Variants in APBB1IP observed in about 807,000 individuals in gnomAD.
APBB1IP encodes the protein amyloid beta precursor protein binding family B member 1 interacting protein.
A neutral mutation model predicts 64.9 loss-of-function variants in APBB1IP; 27 were observed. That is an observed-to-expected ratio of 0.42 (90% CI 0.31 to 0.57). The LOEUF is 0.57. Ranked by LOEUF, APBB1IP falls within the 20% of genes least tolerant of loss-of-function variation. APBB1IP has a pLI of 0.20. For missense variants in APBB1IP, 812 were observed against 845.5 expected (o/e 0.96, Z 0.49); for synonymous variants, 392 against 331.0 (o/e 1.18, Z -2.00).
intron 6 of APBB1IP, among the ~76,000 whole-genome samples, chr10:26,506,890 G>C (rs1836186568): frequency 6.6e-6 from 1 of 152,186 alleles, no homozygotes; most frequent in Non-Finnish European, 1.5e-5. Flanking sequence ...CTACCAGCTG[G>C]AACTGGTGCT....
chr10:26,438,634 C>A lies in APBB1IP; in HGVS notation c.-202-18C>A, dbSNP rs1167312754. On this transcript the variant is annotated intron_variant, in intron 1 of 14. Coordinates refer to ENST00000376236, the MANE Select transcript of APBB1IP (RefSeq NM_019043.4). Reference sequence around the variant, plus strand: ...GTCCTTTACGCATATGTTTGTCTGTCCCACTGTCTCTAACCAGGGGCCTTC... The same window carrying A: ...GTCCTTTACGCATATGTTTGTCTGTACCACTGTCTCTAACCAGGGGCCTTC... 2 of 152,164 alleles carry A rather than the reference C, an allele frequency of 1.3e-5. No individual in the cohort carries two copies. The highest frequency in any genetic ancestry group is 1.5e-5 in the Non-Finnish European group (1 of 68,052). The allele number at this position is 152,164 out of a possible 1,614,324, so 9.4% of individuals were successfully genotyped here.
chr10:26,526,444 G>A (rs1335343449), intron 8 of APBB1IP, among the ~76,000 whole-genome samples: 1 of 152,200 alleles, frequency 6.6e-6, no homozygotes, highest in Non-Finnish European at 1.5e-5. Context: ...TATCTGGCCA[G>A]GCATGGTGGC....
chr10:26,510,905 A>G (rs1482993400), intron 6 of APBB1IP, among the ~76,000 whole-genome samples: 1 of 152,122 alleles, frequency 6.6e-6, no homozygotes, highest in African/African-American at 2.4e-5. Flanking sequence ...GGGCCCCCTC[A>G]GTGATACCGT....
intron 2 of APBB1IP, among the ~76,000 whole-genome samples, chr10:26,467,083 T>A (rs1036869177): frequency 2.0e-5 from 3 of 152,168 alleles, no homozygotes; most frequent in South Asian, 2.1e-4. Flanking sequence ...TGTTTTTTTT[T>A]AATATAGAGA....
At chr10:26,544,795 G>A (rs1008853383) in intron 11 of APBB1IP, among the ~76,000 whole-genome samples, 1 of 152,142 alleles carries the variant, frequency 6.6e-6, no homozygotes, top group Admixed American at 6.6e-5. Context: ...TAGAACATGA[G>A]GTTATCCTGA....
At chr10:26,510,690 G>A (rs889819893) in intron 6 of APBB1IP, among the ~76,000 whole-genome samples, 1 of 148,688 alleles carries the variant, frequency 6.7e-6, no homozygotes, top group African/African-American at 2.5e-5. Flanking sequence ...AACCCAAGAT[G>A]ACACCACTGC....
chr10:26,516,415 C>A (rs1836328438), intron 8 of APBB1IP, among the ~76,000 whole-genome samples: 1 of 151,304 alleles, frequency 6.6e-6, no homozygotes, highest in African/African-American at 2.4e-5. Flanking sequence ...TGGTGGTGGG[C>A]TCCTGTAATC....
chr10:26,460,964 C>T (rs988104525), intron 2 of APBB1IP, among the ~76,000 whole-genome samples: 4 of 152,136 alleles, frequency 2.6e-5, no homozygotes, highest in Admixed American at 1.3e-4. Context: ...CTAATTTCCA[C>T]CTCCTAGGTC....
At chr10:26,485,215 A>T (rs535996784) in intron 2 of APBB1IP, among the ~76,000 whole-genome samples, 15 of 152,232 alleles carry the variant, frequency 9.9e-5, no homozygotes, top group Non-Finnish European at 2.1e-4. Flanking sequence ...ACAAACCTGT[A>T]CCTATAGCAG....
At chr10:26,542,500 G>A (rs749351826) in intron 11 of APBB1IP, among the ~76,000 whole-genome samples, 8 of 152,172 alleles carry the variant, frequency 5.3e-5, no homozygotes, top group Non-Finnish European at 1.2e-4. Context: ...GTCTGATCAG[G>A]AGATGGGTTA....
In APBB1IP at chr10:26,562,425, C is replaced by T. The variant is rs762052919; in HGVS notation, c.1469C>T (p.Ser490Leu). 2.3e-5 allele frequency: 37 copies of T among 1,613,128 alleles called. No individual in the cohort carries two copies. The highest frequency in any genetic ancestry group is 6.7e-5 in the East Asian group (3 of 44,858). Residue 490 changes from serine to leucine, a missense_variant, in exon 14 of 15, where the codon TCG (serine) becomes TTG (leucine). This residue lies in a region of APBB1IP where 381 missense variants were observed against 352.1 expected (regional missense o/e 1.08). Coordinates refer to ENST00000376236, the MANE Select transcript of APBB1IP (RefSeq NM_019043.4). ...GAGGCCCAGAGACATGCTGAAACAT[C>T]GAAGGTAAAACCAGCAAGCAGCTGA... ...LQEAQRHAET[S>L]KDKKPALGNH...
intron 2 of APBB1IP, among the ~76,000 whole-genome samples, chr10:26,444,169 G>A (rs1262275077): frequency 6.6e-6 from 1 of 152,124 alleles, no homozygotes; most frequent in East Asian, 1.9e-4. Context: ...TGTAGGGCAG[G>A]GGCATGTCTG....
chr10:26,450,088 C>T (rs1449543607), intron 2 of APBB1IP, among the ~76,000 whole-genome samples: 1 of 152,006 alleles, frequency 6.6e-6, no homozygotes, highest in African/African-American at 2.4e-5. Flanking sequence ...TGGTTTACAG[C>T]ATCTCAGAGA....
chr10:26,454,531 CA>C lies in APBB1IP; in HGVS notation c.-1+15679del, dbSNP rs563274397. 3.5e-3 allele frequency among the ~76,000 whole-genome samples: 499 copies of C among 142,792 alleles called. 5 individuals are homozygous for C. The highest frequency in any genetic ancestry group is 0.01 in the Middle Eastern group (3 of 292). 93.7% of individuals were successfully genotyped at this position (142,792 alleles called of 152,430 possible). A position where few individuals can be genotyped will look rare whatever the true frequency, so the allele number is the denominator to read the frequency against. ...AAATAAAAATAAAAACAATTGAACTCATGGAGGTAGAGAGTAGAAGGATGGT... is the reference window on the plus strand; with the variant it reads ...AAATAAAAATAAAAACAATTGAACTCTGGAGGTAGAGAGTAGAAGGATGGT... On this transcript the variant is annotated intron_variant, in intron 2 of 14. Coordinates refer to ENST00000376236, the MANE Select transcript of APBB1IP (RefSeq NM_019043.4).
At chr10:26,485,907 GA>G (rs1462688709) in intron 2 of APBB1IP, among the ~76,000 whole-genome samples, 1 of 152,034 alleles carries the variant, frequency 6.6e-6, no homozygotes, top group Non-Finnish European at 1.5e-5. Context: ...AAGACAAAAA[GA>G]GTTCTAAAAA....
chr10:26,442,741 A>C (rs1835350448), intron 2 of APBB1IP, among the ~76,000 whole-genome samples: 1 of 152,260 alleles, frequency 6.6e-6, no homozygotes. Flanking sequence ...CCTATCACCC[A>C]GCTTAAGAAG....
At chr10:26,467,255 T>C (rs751416450) in intron 2 of APBB1IP, among the ~76,000 whole-genome samples, 2 of 152,166 alleles carry the variant, frequency 1.3e-5, no homozygotes, top group African/African-American at 4.8e-5. Context: ...GATGCTGTTT[T>C]TTCCTCATGC....
rs145392158 is a variant in APBB1IP at position 26,490,603 on chromosome 10, C to T, written c.1-1724C>T. ...TTGCACCACTGCACCCCAGCCTGGG[C>T]GACAAGAGCAAAACTCCATCTCAAA... On this transcript the variant is annotated intron_variant, in intron 2 of 14. Coordinates refer to ENST00000376236, the MANE Select transcript of APBB1IP (RefSeq NM_019043.4). Among the ~76,000 whole-genome samples, 751 of 151,784 alleles carry T rather than the reference C, an allele frequency of 4.9e-3. 7 individuals carry two copies. The highest frequency in any genetic ancestry group is 0.017 in the African/African-American group (715 of 41,372).
At chr10:26,566,887 C>T in intron 14 of APBB1IP, 74 bp from the exon 15 acceptor site, 4 of 1,438,896 alleles carry the variant, frequency 2.8e-6, no homozygotes, top group Non-Finnish European at 3.7e-6. Context: ...ACCCCGTCTC[C>T]ATTAATTAAT....
Sources: gnomAD v4.1 joint callset for allele counts (sites outside exome capture counted in the v4.1 genomes callset) on GRCh38, gnomAD v4.1.1 for gene constraint, gnomAD v4.1.1 regional missense constraint, MANE v1.5 for transcripts, NCBI Gene and HGNC (gene_info 2026-07-23, HGNC 2026-07-21) for gene names.